The following PCDHGA3 variants were observed in gnomAD, a reference collection of about 807,000 sequenced individuals.
The protein encoded by PCDHGA3 is protocadherin gamma-A3.
PCDHGA3 carries 40 observed loss-of-function variants against 58.5 expected under a neutral mutation model. The observed-to-expected ratio is 0.68, with a 90% CI of 0.53 to 0.89. The LOEUF (loss-of-function observed/expected upper bound fraction) is 0.89, where lower values mean the gene tolerates loss of function less well. Ranked by LOEUF, PCDHGA3 falls within the 40% of genes least tolerant of loss-of-function variation. The pLI is 0.00. For missense variants in PCDHGA3, 1,223 were observed against 1,195.9 expected (o/e 1.02, Z -0.33); for synonymous variants, 530 against 525.7 (o/e 1.01, Z -0.11).
At chr5:141,393,886 A>G (rs944974638) in intron 1 of PCDHGA3, 3 of 1,614,034 alleles carry the variant, frequency 1.9e-6, no homozygotes, top group Admixed American at 1.7e-5. Context: ...CCAGTGTTAG[A>G]AAATTCTCTT....
chr5:141,394,298 G>A (rs763864270), intron 1 of PCDHGA3: 1 of 1,613,840 alleles, frequency 6.2e-7, no homozygotes, highest in African/African-American at 1.3e-5. Context: ...CCGAGGACAC[G>A]CTGCAGGGGG....
In PCDHGA3 at chr5:141,432,867, T is replaced by C; in HGVS notation, c.2425-61940T>C. ...GTAGCGGTGGCCGCGGTCTCCTGCG[T>C]CTTCCTGGCCTTCGTCATCTTGCTG... On this transcript the variant is annotated intron_variant, in intron 1 of 3. Coordinates refer to ENST00000253812, the MANE Select transcript of PCDHGA3 (RefSeq NM_018916.4). The surrounding 1 kb of genome is among the most constrained non-coding windows in gnomAD (Gnocchi z 6.0). 2 of 1,614,182 alleles carry C rather than the reference T, an allele frequency of 1.2e-6. No individual in the cohort carries two copies. The highest frequency in any genetic ancestry group is 1.7e-6 in the Non-Finnish European group (2 of 1,180,010).
Position 141,496,980 on chromosome 5 carries a change from G to A in PCDHGA3, c.2483+2115G>A, listed in dbSNP as rs186715298. On this transcript the variant is annotated intron_variant, in intron 2 of 3. Coordinates refer to ENST00000253812, the MANE Select transcript of PCDHGA3 (RefSeq NM_018916.4). ...GTGGGTAGATCACTTGAGGTCAGGG[G>A]TTTGAGACCAGCCTGGCAGCCAACA... Among the ~76,000 whole-genome samples the A allele has an allele frequency of 1.6e-3, 236 of 152,074 alleles. 2 individuals are homozygous for A. Among genetic ancestry groups the A allele is most frequent in the South Asian group, 7.5e-3 (36 of 4,814 alleles).
intron 1 of PCDHGA3, chr5:141,355,445 G>T (rs1309523681): frequency 1.2e-6 from 2 of 1,614,106 alleles, no homozygotes; most frequent in East Asian, 2.2e-5. Flanking sequence ...CCGCGCAGCG[G>T]CACCTTGGTC....
At position 141,460,518 on chromosome 5, in the gene PCDHGA3, C is replaced by T. The variant is rs190277142; in HGVS notation, c.2425-34289C>T. ...AAATATGCTGAGAAGGCTATCTTTT[C>T]CCCACCAAATAATCTTAGCACCTTA... On this transcript the variant is annotated intron_variant, in intron 1 of 3. Coordinates refer to ENST00000253812, the MANE Select transcript of PCDHGA3 (RefSeq NM_018916.4). Among the ~76,000 whole-genome samples, 53 of 152,196 alleles carry T rather than the reference C, an allele frequency of 3.5e-4. 1 individual carries two copies. Among genetic ancestry groups the T allele is most frequent in the African/African-American group, 1.2e-3 (50 of 41,522 alleles).
At position 141,497,103 on chromosome 5, in the gene PCDHGA3, T is replaced by C. The variant is rs182534106; in HGVS notation, c.2483+2238T>C. On this transcript the variant is annotated intron_variant, in intron 2 of 3. Transcript: ENST00000253812. ...ACTTAGGAGGCTGAGGCAGAACTGC[T>C]TGAACCCGGAAGGCAGAGGTTGCAG... Among the ~76,000 whole-genome samples, 34 of 152,160 alleles carry C rather than the reference T, an allele frequency of 2.2e-4. 1 individual carries two copies. Among genetic ancestry groups the C allele is most frequent in the Admixed American group, 6.6e-4 (10 of 15,264 alleles).
intron 1 of PCDHGA3, chr5:141,360,538 C>T: frequency 1.9e-6 from 3 of 1,613,954 alleles, no homozygotes; most frequent in Non-Finnish European, 2.5e-6. Context: ...GCTATTCAAA[C>T]AGACTAAGAT....
chr5:141,466,148 G>A (rs1201643685), intron 1 of PCDHGA3, among the ~76,000 whole-genome samples: 1 of 151,814 alleles, frequency 6.6e-6, no homozygotes, highest in Non-Finnish European at 1.5e-5. Flanking sequence ...GAAAACTCTG[G>A]TCTTAAACTG....
intron 2 of PCDHGA3, 37 bp downstream of exon 2, chr5:141,494,902 C>T (rs2099757367): frequency 1.9e-6 from 3 of 1,614,024 alleles, no homozygotes; most frequent in Non-Finnish European, 2.5e-6. Flanking sequence ...CTCTTCTCTG[C>T]GGCATTTTCT....
At chr5:141,364,857 T>C (rs1243069537) in intron 1 of PCDHGA3, 1 of 1,614,008 alleles carries the variant, frequency 6.2e-7, no homozygotes, top group South Asian at 1.1e-5. Context: ...AGCTCCAATC[T>C]GCACTTCTCT....
Position 141,486,814 on chromosome 5 carries a change from C to T in PCDHGA3, c.2425-7993C>T, listed in dbSNP as rs1048351154. On this transcript the variant is annotated intron_variant, in intron 1 of 3. Transcript: ENST00000253812. The surrounding 1 kb of genome is among the most constrained non-coding windows in gnomAD (Gnocchi z 5.0). ...ATCGGGGCAACCCACCCCTTAGCAG[C>T]ACTGTAACAGTTCGTCTATTTGTGC... 1.2e-6 allele frequency: 2 copies of T among 1,614,122 alleles called. No individual in the cohort carries two copies. Among genetic ancestry groups the T allele is most frequent in the Non-Finnish European group, 1.7e-6 (2 of 1,180,052 alleles).
intron 1 of PCDHGA3, chr5:141,383,027 C>T (rs752703068): frequency 1.2e-6 from 2 of 1,613,838 alleles, no homozygotes; most frequent in Admixed American, 1.7e-5. Context: ...GACAAAGGGT[C>T]CTTTGTGGGA....
In PCDHGA3 at chr5:141,399,480, G is replaced by T. The variant is rs760135566; in HGVS notation, c.2424+53023G>T. ...ATAACGCTCCGGTTTTCCACCAGGC[G>T]TCCTACTTAGTCAGTGTACCCGAAA... On this transcript the variant is annotated intron_variant, in intron 1 of 3. Coordinates refer to ENST00000253812, the MANE Select transcript of PCDHGA3 (RefSeq NM_018916.4). The T allele has an allele frequency of 1.9e-5, 31 of 1,613,886 alleles. No homozygotes were observed. In the South Asian group the frequency reaches 3.2e-4, roughly 17 times the overall value.
chr5:141,391,821 T>G (rs2092426299), intron 1 of PCDHGA3: 1 of 152,220 alleles, frequency 6.6e-6, no homozygotes, highest in African/African-American at 2.4e-5. Flanking sequence ...GTAGGTAAAG[T>G]TAATTTTAGA....
chr5:141,353,677 G>A (rs1285635415), intron 1 of PCDHGA3, among the ~76,000 whole-genome samples: 1 of 152,112 alleles, frequency 6.6e-6, no homozygotes, highest in African/African-American at 2.4e-5. Flanking sequence ...GAACATTTGG[G>A]TTTATAAAGC....
rs535002528 is a variant in PCDHGA3 at position 141,396,788 on chromosome 5, T to C, written c.2424+50331T>C. On this transcript the variant is annotated intron_variant, in intron 1 of 3. Transcript: ENST00000253812. ...GTTTGTTATTAATGAAAAGGACATT[T>C]CCTAAGGATTGTGTAGTGTTCTACT... Among the ~76,000 whole-genome samples, 53 of 152,322 alleles carry C rather than the reference T, an allele frequency of 3.5e-4. 2 individuals are homozygous for C. Among genetic ancestry groups the C allele is most frequent in the Admixed American group, 3.3e-3 (50 of 15,300 alleles).
Position 141,486,390 on chromosome 5 carries a change from C to T in PCDHGA3, c.2425-8417C>T. 6.2e-7 allele frequency: 1 copy of T among 1,614,138 alleles called. No homozygotes were observed. The highest frequency in any genetic ancestry group is 1.1e-5 in the South Asian group (1 of 91,084). On this transcript the variant is annotated intron_variant, in intron 1 of 3. Coordinates refer to ENST00000253812, the MANE Select transcript of PCDHGA3 (RefSeq NM_018916.4). This position sits in a 1 kb window ranked among gnomAD's most constrained non-coding sequence, Gnocchi z 5.0. ...AAGTCTGCCTTCAGGAACCAGTTCTCCCTGGTGACTGCTGGACCCTTGGAT... is the reference window on the plus strand; with the variant it reads ...AAGTCTGCCTTCAGGAACCAGTTCTTCCTGGTGACTGCTGGACCCTTGGAT...
At chr5:141,473,335 C>T (rs1243738475) in intron 1 of PCDHGA3, among the ~76,000 whole-genome samples, 3 of 152,184 alleles carry the variant, frequency 2.0e-5, no homozygotes, top group Non-Finnish European at 4.4e-5. Context: ...GCCTGCTGTG[C>T]TAGACAGTGA....
chr5:141,485,003 A>G lies in PCDHGA3; in HGVS notation c.2425-9804A>G. On this transcript the variant is annotated intron_variant, in intron 1 of 3. Coordinates refer to ENST00000253812, the MANE Select transcript of PCDHGA3 (RefSeq NM_018916.4). The surrounding 1 kb of genome is among the most constrained non-coding windows in gnomAD (Gnocchi z 5.7). ...CAATCGGGTGGTGAAAGGCAGACAA[A>G]TCTACCCCGCCACCAGCAAAAACGG... 1 of 620,758 alleles carries G rather than the reference A, an allele frequency of 1.6e-6. No homozygotes were observed. The highest frequency in any genetic ancestry group is 2.0e-5 in the South Asian group (1 of 50,492). The allele number at this position is 620,758 out of a possible 1,614,324, so 38.5% of individuals were successfully genotyped here.
Sources: gnomAD v4.1 joint callset for allele counts (sites outside exome capture counted in the v4.1 genomes callset) on GRCh38, gnomAD v4.1.1 for gene constraint, Gnocchi (gnomAD v3.1) non-coding constraint, MANE v1.5 for transcripts, NCBI Gene and HGNC (gene_info 2026-07-23, HGNC 2026-07-21) for gene names.